Variants in ATG16L2 observed in about 807,000 individuals in gnomAD.
The protein encoded by ATG16L2 is protein Atg16l2.
A neutral mutation model predicts 84.7 loss-of-function variants in ATG16L2; 77 were observed. That is an observed-to-expected ratio of 0.91 (90% CI 0.76 to 1.10). ATG16L2 has a LOEUF of 1.10. ATG16L2 is among the 50% of genes least tolerant of loss of function. The probability of loss-of-function intolerance (pLI) is 0.00; values close to 1 mark genes in which losing one functional copy is unlikely to be tolerated. For missense variants in ATG16L2, 782 were observed against 817.6 expected (o/e 0.96, Z 0.53); for synonymous variants, 361 against 342.8 (o/e 1.05, Z -0.59).
chr11:72,825,457 C>G (rs1233149110), intron 10 of ATG16L2, 50 bp downstream of exon 10: 3 of 1,403,880 alleles, frequency 2.1e-6, no homozygotes. Context: ...TCCAGACCCT[C>G]TCCTCAGCTC....
At position 72,822,151 on chromosome 11, in the gene ATG16L2, A is replaced by G; in HGVS notation, c.500A>G (p.Tyr167Cys). 2 of 1,492,790 alleles carry G rather than the reference A, an allele frequency of 1.3e-6. No individual in the cohort carries two copies. Among genetic ancestry groups the G allele is most frequent in the South Asian group, 2.6e-5 (2 of 78,412 alleles). The allele number at this position is 1,492,790 out of a possible 1,614,324, so 92.5% of individuals were successfully genotyped here. ...CAGAATGCGGTGCAGCGGGCAGCCTACGAGGCGCTGCGCGCGCACGTCGGG... is the reference window on the plus strand; with the variant it reads ...CAGAATGCGGTGCAGCGGGCAGCCTGCGAGGCGCTGCGCGCGCACGTCGGG... Reference protein sequence around the residue: ...RAQNAVQRAAYEALRAHVGLR... With the variant: ...RAQNAVQRAACEALRAHVGLR... Residue 167 changes from tyrosine (Y) to cysteine (C), a missense_variant, in exon 5 of 18, where the codon TAC becomes TGC. Coordinates refer to ENST00000321297, the MANE Select transcript of ATG16L2 (RefSeq NM_033388.2). The surrounding 1 kb of genome is among the most constrained non-coding windows in gnomAD (Gnocchi z 4.2).
intron 10 of ATG16L2, 128 bp downstream of exon 10, chr11:72,825,535 A>T: frequency 1.4e-6 from 1 of 722,612 alleles, no homozygotes; most frequent in Non-Finnish European, 2.4e-6. Flanking sequence ...GTGGGCAGTG[A>T]CTAGACAATG....
chr11:72,833,132 G>T (rs1860642565), downstream of ATG16L2, among the ~76,000 whole-genome samples: 2 of 152,190 alleles, frequency 1.3e-5, no homozygotes, highest in African/African-American at 4.8e-5. Flanking sequence ...CTGTTGCGCT[G>T]AGTGTCTCCC....
intron 8 of ATG16L2, 36 bp downstream of exon 8, chr11:72,824,158 T>C (rs1239576981): frequency 2.3e-5 from 37 of 1,613,372 alleles, no homozygotes; most frequent in Non-Finnish European, 3.0e-5. Context: ...CACCCACGTG[T>C]GTGTCGGGCT....
chr11:72,817,694 G>A, intron 2 of ATG16L2, 62 bp from the exon 3 acceptor site: 7 of 1,517,042 alleles, frequency 4.6e-6, no homozygotes, highest in Non-Finnish European at 6.4e-6. Flanking sequence ...AGCATCACTT[G>A]GGTGCCTTTG....
At chr11:72,827,957 A>AAAAC (rs1565271876) in intron 14 of ATG16L2, among the ~76,000 whole-genome samples, 11 of 152,172 alleles carry the variant, frequency 7.2e-5, no homozygotes, top group African/African-American at 1.7e-4. Context: ...AAAACCAAAA[A>AAAAC]CAAAACAAAA....
chr11:72,825,462 C>T, intron 10 of ATG16L2, 55 bp downstream of exon 10: 1 of 1,356,220 alleles, frequency 7.4e-7, no homozygotes, highest in South Asian at 1.2e-5. Flanking sequence ...ACCCTCTCCT[C>T]AGCTCACTCC....
At chr11:72,837,665 A>C (rs1300449838) in intron 5 of ATG16L2, 1 of 152,190 alleles carries the variant, frequency 6.6e-6, no homozygotes, top group Non-Finnish European at 1.5e-5. Context: ...TTTCCTGGTC[A>C]ATCTGTACTT....
At chr11:72,823,096 T>G in intron 7 of ATG16L2, 135 bp downstream of exon 7, 1 of 631,608 alleles carries the variant, frequency 1.6e-6, no homozygotes. Flanking sequence ...AGCTCAGATC[T>G]CCCAGGGCTA....
At chr11:72,821,211 T>A (rs1591300012) in intron 3 of ATG16L2, 4 of 990,130 alleles carry the variant, frequency 4.0e-6, no homozygotes, top group Non-Finnish European at 4.8e-6. Context: ...AGAGTGGCAG[T>A]ACCAGCCTCC....
chr11:72,816,899 G>GGCCCTGCCCC, intron 2 of ATG16L2, 72 bp downstream of exon 2: 1 of 1,091,056 alleles, frequency 9.2e-7, no homozygotes, highest in Non-Finnish European at 1.3e-6. Flanking sequence ...CCTGTGCTGG[G>GGCCCTGCCCC]TTCATTCTCT....
At chr11:72,829,158 C>G (rs1382230574) in intron 17 of ATG16L2, 145 bp from the exon 18 acceptor site, 1 of 1,107,882 alleles carries the variant, frequency 9.0e-7, no homozygotes, top group African/African-American at 1.6e-5. Context: ...TCCATCCTTT[C>G]CACAGCCCTG....
chr11:72,836,456 CT>C (rs1348226661), intron 5 of ATG16L2, among the ~76,000 whole-genome samples: 1 of 152,178 alleles, frequency 6.6e-6, no homozygotes, highest in African/African-American at 2.4e-5. Context: ...CTATCTGCCC[CT>C]CCCTTCTAGC....
chr11:72,825,925 T>C (rs1292275860), intron 10 of ATG16L2, among the ~76,000 whole-genome samples: 2 of 152,056 alleles, frequency 1.3e-5, no homozygotes, highest in Non-Finnish European at 2.9e-5. Context: ...CTCTACATAG[T>C]CCCTTCTCCC....
At chr11:72,831,755 CCTGCA>C (rs1297577673), downstream of ATG16L2, among the ~76,000 whole-genome samples, 1 of 152,156 alleles carries the variant, frequency 6.6e-6, no homozygotes, top group Non-Finnish European at 1.5e-5. Flanking sequence ...CAGGCCCTGC[CCTGCA>C]CCCTTTCTGC....
chr11:72,817,482 G>A (rs911256918), intron 2 of ATG16L2, among the ~76,000 whole-genome samples: 4 of 152,212 alleles, frequency 2.6e-5, no homozygotes, highest in African/African-American at 9.7e-5. Flanking sequence ...GCCTCCCAAA[G>A]TGCTGGGATC....
chr11:72,824,905 T>C, intron 9 of ATG16L2, 63 bp downstream of exon 9: 1 of 1,401,996 alleles, frequency 7.1e-7, no homozygotes, highest in Admixed American at 2.3e-5. Context: ...ACAGGGGTGG[T>C]CTCGGCACCA....
At chr11:72,824,879 G>A in intron 9 of ATG16L2, 37 bp downstream of exon 9, 1 of 1,526,120 alleles carries the variant, frequency 6.6e-7, no homozygotes, top group Non-Finnish European at 8.9e-7. Context: ...TGGGGCAGTG[G>A]TGAGAGAGTG....
rs760288892 is a variant in ATG16L2, at chr11:72,816,828, G to GT, written c.218+2dup. 1.9e-6 allele frequency: 3 copies of GT among 1,613,728 alleles called. No individual in the cohort carries two copies. In the East Asian group the frequency reaches 6.7e-5, roughly 36 times the overall value. The stretch of plus-strand genomic sequence containing the variant: ...CTCCCACCACCCACCAGGGCCCCTG[G>GT]TAAGTGTATGTGGGTCCGTGGTCAC... On this transcript the variant is annotated splice_donor_variant, in intron 2 of 17. Coordinates refer to ENST00000321297, the MANE Select transcript of ATG16L2 (RefSeq NM_033388.2). LOFTEE classifies it high-confidence loss of function.
Sources: gnomAD v4.1 joint callset for allele counts (sites outside exome capture counted in the v4.1 genomes callset) on GRCh38, gnomAD v4.1.1 for gene constraint, Gnocchi (gnomAD v3.1) non-coding constraint, MANE v1.5 for transcripts, NCBI Gene and HGNC (gene_info 2026-07-23, HGNC 2026-07-21) for gene names.